Variants in SLC9C1 observed in about 807,000 individuals in gnomAD.
The protein encoded by SLC9C1 is sodium/hydrogen exchanger 10.
SLC9C1 carries 97 observed loss-of-function variants against 140.9 expected under a neutral mutation model. The observed-to-expected ratio is 0.69, with a 90% CI of 0.58 to 0.82. The LOEUF is 0.82. Among genes scored for constraint, SLC9C1 ranks in the 40% least tolerant of loss-of-function variants. The pLI is 0.00. For synonymous variants in SLC9C1, 440 were observed against 442.6 expected (o/e 0.99, Z 0.07); for missense variants, 1,340 against 1,389.3 (o/e 0.96, Z 0.56).
chr3:112,261,525 A>G (rs1220289118), intron 10 of SLC9C1, among the ~76,000 whole-genome samples: 1 of 152,094 alleles, frequency 6.6e-6, no homozygotes, highest in East Asian at 1.9e-4. Context: ...AGAATTAAAA[A>G]GGCAATATGT....
At chr3:112,292,320 T>G (rs889796075) in intron 1 of SLC9C1, among the ~76,000 whole-genome samples, 1 of 152,214 alleles carries the variant, frequency 6.6e-6, no homozygotes, top group African/African-American at 2.4e-5. Flanking sequence ...TGTTTACTCT[T>G]AAATTCAGAG....
chr3:112,269,276 G>A (rs1001365574), intron 7 of SLC9C1, among the ~76,000 whole-genome samples: 1 of 152,086 alleles, frequency 6.6e-6, no homozygotes, highest in African/African-American at 2.4e-5. Context: ...CATCTAGCTA[G>A]TTTTAAAAAT....
rs373815866 is a variant in SLC9C1 at position 112,217,635 on chromosome 3, A to T, written c.1671-74T>A. 1.5e-5 allele frequency: 20 copies of T among 1,372,902 alleles called. 1 individual carries two copies. In the East Asian group the frequency reaches 1.5e-4, roughly 10 times the overall value. The allele number at this position is 1,372,902 out of a possible 1,614,324, so 85.0% of individuals were successfully genotyped here. A position where few individuals can be genotyped will look rare whatever the true frequency, so the allele number is the denominator to read the frequency against. On this transcript the variant is annotated intron_variant, in intron 14 of 28. Coordinates refer to ENST00000305815, the MANE Select transcript of SLC9C1 (RefSeq NM_183061.3). Reference sequence around the variant, plus strand: ...AGTTTAATGTTGTACTGGAAGTTTAATGTTGTACATAAGTTTAATTTTGCA... The same window carrying T: ...AGTTTAATGTTGTACTGGAAGTTTATTGTTGTACATAAGTTTAATTTTGCA...
chr3:112,180,509 G>A (rs1266034333), intron 22 of SLC9C1, 55 bp downstream of exon 22: 2 of 1,447,052 alleles, frequency 1.4e-6, no homozygotes, highest in African/African-American at 2.9e-5. Flanking sequence ...GGCAACAAGA[G>A]AGAAACTCTG....
rs1171918182 is a variant in SLC9C1 at position 112,178,812 on chromosome 3, C to T, written c.2919+719G>A. On this transcript the variant is annotated intron_variant, in intron 23 of 28. Coordinates refer to ENST00000305815, the MANE Select transcript of SLC9C1 (RefSeq NM_183061.3). ...TTTCCTAGATCTATTATTTTATTAG[C>T]GATGGCACAATGGAGATTTTCTGAT... 5.3e-5 allele frequency among the ~76,000 whole-genome samples: 8 copies of T among 152,198 alleles called. No individual in the cohort carries two copies. The East Asian group carries it at 5.8e-4, about 11-fold the overall frequency.
intron 15 of SLC9C1, among the ~76,000 whole-genome samples, chr3:112,208,785 A>G (rs548237011): frequency 1.3e-5 from 2 of 152,294 alleles, no homozygotes; most frequent in African/African-American, 4.8e-5. Flanking sequence ...TTATGTTTAT[A>G]AAATGATTAT....
intron 26 of SLC9C1, among the ~76,000 whole-genome samples, chr3:112,163,140 C>T (rs1289512484): frequency 1.0e-4 from 14 of 140,684 alleles, no homozygotes; most frequent in South Asian, 4.9e-4. Flanking sequence ...TTTTTTATTG[C>T]GTCTATTTGA....
At position 112,277,783 on chromosome 3, in the gene SLC9C1, T is replaced by C; in HGVS notation, c.396A>G (p.Leu132=). The stretch of plus-strand genomic sequence containing the variant: ...ATAACCATTGGGTAGGCTTCAAAAG[T>C]AATTGATTTACAGATGCCAGATGCC... ...VLWHLASVNQ[L]LLKPTQWLLF... Residue 132 remains leucine, a synonymous_variant, in exon 5 of 29, where the codon TTA becomes TTG. Transcript: ENST00000305815. 2 of 1,612,756 alleles carry C rather than the reference T, an allele frequency of 1.2e-6. No homozygotes were observed. The highest frequency in any genetic ancestry group is 1.7e-6 in the Non-Finnish European group (2 of 1,179,232).
At chr3:112,232,737 A>C (rs2078862664) in intron 12 of SLC9C1, among the ~76,000 whole-genome samples, 1 of 152,236 alleles carries the variant, frequency 6.6e-6, no homozygotes, top group South Asian at 2.1e-4. Context: ...AGACCCCAGG[A>C]CAACTTTTAT....
At chr3:112,256,146 A>G (rs886925860) in intron 10 of SLC9C1, among the ~76,000 whole-genome samples, 2 of 152,094 alleles carry the variant, frequency 1.3e-5, no homozygotes, top group Non-Finnish European at 2.9e-5. Flanking sequence ...TCTACCAGAT[A>G]CACAAAGAAG....
chr3:112,249,101 T>C (rs1210046835), intron 10 of SLC9C1, among the ~76,000 whole-genome samples: 1 of 152,136 alleles, frequency 6.6e-6, no homozygotes, highest in Non-Finnish European at 1.5e-5. Flanking sequence ...TAGAGGGCTC[T>C]TCTTATTTTG....
chr3:112,225,989 A>G (rs989054242), intron 13 of SLC9C1, among the ~76,000 whole-genome samples: 3 of 152,200 alleles, frequency 2.0e-5, no homozygotes, highest in Non-Finnish European at 2.9e-5. Flanking sequence ...AACCCCAGTC[A>G]TAGCATTGGA....
chr3:112,211,526 A>G (rs1308105837), intron 15 of SLC9C1, among the ~76,000 whole-genome samples: 1 of 152,190 alleles, frequency 6.6e-6, no homozygotes. Flanking sequence ...CACTTTTCCA[A>G]TGGTCTTAGC....
At chr3:112,166,409 A>G (rs2077136378) in intron 26 of SLC9C1, among the ~76,000 whole-genome samples, 1 of 152,184 alleles carries the variant, frequency 6.6e-6, no homozygotes, top group Admixed American at 6.5e-5. Flanking sequence ...TAAATGTTAA[A>G]TGTGCATCCT....
At chr3:112,165,336 A>G (rs2077103691) in intron 26 of SLC9C1, among the ~76,000 whole-genome samples, 2 of 152,190 alleles carry the variant, frequency 1.3e-5, no homozygotes, top group African/African-American at 4.8e-5. Context: ...CCTTTAGAGA[A>G]GGAGAGGCAC....
chr3:112,141,689 A>C (rs1280555188), intron 28 of SLC9C1, among the ~76,000 whole-genome samples: 1 of 152,144 alleles, frequency 6.6e-6, no homozygotes, highest in Non-Finnish European at 1.5e-5. Flanking sequence ...GAAATAAATA[A>C]CTTTCACATA....
At chr3:112,146,607 A>G (rs1162032495) in intron 28 of SLC9C1, among the ~76,000 whole-genome samples, 5 of 152,086 alleles carry the variant, frequency 3.3e-5, no homozygotes, top group African/African-American at 9.7e-5. Context: ...TTTCCATGTA[A>G]TTGTGTGGTT....
At chr3:112,161,370 C>G (rs1397610694) in intron 26 of SLC9C1, among the ~76,000 whole-genome samples, 3 of 152,188 alleles carry the variant, frequency 2.0e-5, no homozygotes, top group Admixed American at 2.0e-4. Flanking sequence ...AATGGTAATG[C>G]CTAGGTTTTC....
At chr3:112,236,885 C>A (rs997993243) in intron 12 of SLC9C1, among the ~76,000 whole-genome samples, 1 of 152,148 alleles carries the variant, frequency 6.6e-6, no homozygotes, top group African/African-American at 2.4e-5. Context: ...TTACTTCCAA[C>A]TATGTGGTCA....
Sources: gnomAD v4.1 joint callset for allele counts (sites outside exome capture counted in the v4.1 genomes callset) on GRCh38, gnomAD v4.1.1 for gene constraint, MANE v1.5 for transcripts, NCBI Gene and HGNC (gene_info 2026-07-23, HGNC 2026-07-21) for gene names.